The following WDR49 variants were observed in gnomAD, a reference collection of about 807,000 sequenced individuals.
WDR49 encodes the protein cilia- and flagella-associated protein 337.
Under a neutral mutation model 119.5 loss-of-function variants are expected in WDR49, and 107 were observed. The ratio of observed to expected loss-of-function variants is 0.90; its 90% confidence interval spans 0.77 to 1.05. The LOEUF (loss-of-function observed/expected upper bound fraction) is 1.05, where lower values mean the gene tolerates loss of function less well. Ranked by LOEUF, WDR49 falls within the 50% of genes least tolerant of loss-of-function variation. WDR49 has a pLI of 0.00. For missense variants in WDR49, 1,240 were observed against 1,220.5 expected, an observed-to-expected ratio of 1.02 and a Z score of -0.24; for synonymous variants, 425 against 418.8, an observed-to-expected ratio of 1.01 and a Z score of -0.18.
At chr3:167,496,769 T>C (rs1461241738) in intron 18 of WDR49, among the ~76,000 whole-genome samples, 1 of 152,160 alleles carries the variant, frequency 6.6e-6, no homozygotes, top group South Asian at 2.1e-4. Flanking sequence ...GAACAAACAT[T>C]ATTTCAGTAT....
intron 5 of WDR49, among the ~76,000 whole-genome samples, chr3:167,606,931 G>T (rs1404337082): frequency 6.6e-6 from 1 of 152,126 alleles, no homozygotes; most frequent in South Asian, 2.1e-4. Context: ...AAGATCCAAA[G>T]ATATACAAGA....
At chr3:167,557,045 A>G (rs571525959) in intron 9 of WDR49, among the ~76,000 whole-genome samples, 2 of 152,100 alleles carry the variant, frequency 1.3e-5, no homozygotes, top group East Asian at 3.9e-4. Flanking sequence ...ACAAACAAAA[A>G]AATTAGCCGA....
At chr3:167,513,010 A>C (rs935736075) in intron 16 of WDR49, among the ~76,000 whole-genome samples, 17 of 152,202 alleles carry the variant, frequency 1.1e-4, no homozygotes, top group African/African-American at 3.9e-4. Context: ...GAGAATGGAA[A>C]CAAGTTGGAA....
chr3:167,524,720 G>A lies in WDR49; in HGVS notation c.2605-2236C>T, dbSNP rs141107678. 3.2e-3 allele frequency among the ~76,000 whole-genome samples: 483 copies of A among 152,198 alleles called. 1 individual carries two copies. The highest frequency in any genetic ancestry group is 0.011 in the African/African-American group (453 of 41,530). The stretch of plus-strand genomic sequence containing the variant: ...TGTCAAAGATCAGATGGTTGTAGGT[G>A]TGTGGTGTTATTTATGAGGCCTCTG... On this transcript the variant is annotated intron_variant, in intron 15 of 18. Coordinates refer to ENST00000682715, the MANE Select transcript of WDR49 (RefSeq NM_001366157.1).
At chr3:167,572,533 G>A (rs879650106) in intron 8 of WDR49, among the ~76,000 whole-genome samples, 13 of 152,180 alleles carry the variant, frequency 8.5e-5, no homozygotes, top group Non-Finnish European at 1.9e-4. Flanking sequence ...GAGACCATGG[G>A]CTGAAAAAGC....
At chr3:167,550,674 G>T (rs1016036131) in intron 10 of WDR49, among the ~76,000 whole-genome samples, 1 of 150,928 alleles carries the variant, frequency 6.6e-6, no homozygotes, top group Non-Finnish European at 1.5e-5. Context: ...ATTTTTATTT[G>T]TCAGTTATTC....
intron 16 of WDR49, among the ~76,000 whole-genome samples, chr3:167,519,400 A>G (rs1420565169): frequency 3.9e-5 from 6 of 152,240 alleles, no homozygotes; most frequent in Non-Finnish European, 7.3e-5. Flanking sequence ...ATGCCCATCA[A>G]TGATAGACTG....
chr3:167,575,886 T>G, intron 8 of WDR49, 32 bp downstream of exon 8: 1 of 1,604,076 alleles, frequency 6.2e-7, no homozygotes, highest in Non-Finnish European at 8.5e-7. Context: ...GGAGATATGT[T>G]AGGAGAGTGA....
At chr3:167,652,998 T>C (rs1007740796) in intron 2 of WDR49, among the ~76,000 whole-genome samples, 2 of 152,170 alleles carry the variant, frequency 1.3e-5, no homozygotes, top group Non-Finnish European at 2.9e-5. Flanking sequence ...AAAAATTTTT[T>C]CCAACAATAA....
At chr3:167,528,495 C>T (rs1419169212) in intron 14 of WDR49, among the ~76,000 whole-genome samples, 1 of 149,744 alleles carries the variant, frequency 6.7e-6, no homozygotes, top group Non-Finnish European at 1.5e-5. Context: ...CCCCAGGCAA[C>T]CTAGTGAGAC....
intron 12 of WDR49, 146 bp downstream of exon 12, chr3:167,532,733 T>G: frequency 1.9e-6 from 1 of 531,322 alleles, no homozygotes; most frequent in Non-Finnish European, 3.3e-6. Flanking sequence ...TTAGCTACTT[T>G]GGCAAGACAA....
chr3:167,585,711 T>TAAC, intron 7 of WDR49, among the ~76,000 whole-genome samples: 1 of 151,960 alleles, frequency 6.6e-6, no homozygotes, highest in East Asian at 1.9e-4. Context: ...ATATATATAA[T>TAAC]AACATTAAAT....
chr3:167,502,547 G>A (rs1425941834), intron 17 of WDR49, among the ~76,000 whole-genome samples: 1 of 152,158 alleles, frequency 6.6e-6, no homozygotes, highest in Non-Finnish European at 1.5e-5. Flanking sequence ...ATAGTGATGT[G>A]GACAGTGAAG....
chr3:167,655,291 A>C (rs1021989283), upstream of WDR49, among the ~76,000 whole-genome samples: 64 of 152,328 alleles, frequency 4.2e-4, no homozygotes, highest in African/African-American at 1.5e-3. Context: ...CGCCCTTGTC[A>C]TGTGAGGATT....
At chr3:167,578,110 T>C (rs1021770694) in intron 7 of WDR49, among the ~76,000 whole-genome samples, 2 of 152,124 alleles carry the variant, frequency 1.3e-5, no homozygotes, top group Non-Finnish European at 2.9e-5. Flanking sequence ...TCTTACCCCT[T>C]TTCTCCAGGT....
At chr3:167,486,002 A>C (rs1268877599) in intron 18 of WDR49, among the ~76,000 whole-genome samples, 1 of 152,110 alleles carries the variant, frequency 6.6e-6, no homozygotes, top group Non-Finnish European at 1.5e-5. Context: ...GTTAGAAAGA[A>C]TGGTCAAGTC....
At chr3:167,598,445 G>A (rs1414097932) in intron 7 of WDR49, among the ~76,000 whole-genome samples, 1 of 152,186 alleles carries the variant, frequency 6.6e-6, no homozygotes, top group Non-Finnish European at 1.5e-5. Flanking sequence ...TCGAGGTAGG[G>A]AGGTGATTCG....
intron 15 of WDR49, among the ~76,000 whole-genome samples, chr3:167,523,728 T>C (rs1428082920): frequency 5.3e-5 from 8 of 152,150 alleles, no homozygotes; most frequent in Non-Finnish European, 1.5e-5. Flanking sequence ...CAAGAACTCA[T>C]CCTGTTTTAT....
chr3:167,614,059 G>A (rs1716480205), intron 5 of WDR49, among the ~76,000 whole-genome samples: 1 of 151,764 alleles, frequency 6.6e-6, no homozygotes, highest in Non-Finnish European at 1.5e-5. Flanking sequence ...AATGATTTTT[G>A]TTGCTGACAA....
Sources: allele counts gnomAD v4.1 joint callset (sites outside exome capture counted in the v4.1 genomes callset), GRCh38; gene constraint gnomAD v4.1.1; transcripts MANE v1.5; gene names NCBI Gene and HGNC (gene_info 2026-07-23, HGNC 2026-07-21).